The following NGRN variants were observed in gnomAD, a reference collection of about 807,000 sequenced individuals.
NGRN encodes neugrin.
Under a neutral mutation model 13.1 loss-of-function variants are expected in NGRN, and 12 were observed. The ratio of observed to expected loss-of-function variants is 0.92; its 90% CI spans 0.59 to 1.49. The LOEUF is 1.49. Ranked by LOEUF, NGRN falls within the 40% of genes most tolerant of loss-of-function variation. The probability of loss-of-function intolerance (pLI) is 0.00; values close to 1 mark genes in which losing one functional copy is unlikely to be tolerated. For synonymous variants in NGRN, 149 were observed against 145.8 expected (o/e 1.02, Z -0.16); for missense variants, 397 against 357.0 (o/e 1.11, Z -0.90).
intron 2 of NGRN, among the ~76,000 whole-genome samples, chr15:90,268,293 A>G (rs1963457313): frequency 6.6e-6 from 1 of 151,906 alleles, no homozygotes; most frequent in Non-Finnish European, 1.5e-5. Context: ...ATGAGCCACC[A>G]TGCCGGCCTC....
chr15:90,265,796 G>T lies in NGRN; in HGVS notation c.84G>T (p.Ala28=), dbSNP rs766719853. The part of the protein sequence containing the change: ...TRCGFATRGV[A]GPGPIGREPD... ...GTGGGTTCGCGACCCGGGGGGTGGCGGGCCCAGGCCCTATTGGCCGGGAGC... is the reference window on the plus strand; with the variant it reads ...GTGGGTTCGCGACCCGGGGGGTGGCTGGCCCAGGCCCTATTGGCCGGGAGC... The change falls in exon 1 of 3, where the codon GCG becomes GCT. Residue 28 remains alanine (A), a synonymous_variant. Coordinates refer to ENST00000379095, the MANE Select transcript of NGRN (RefSeq NM_001033088.3). 1.2e-5 allele frequency: 19 copies of T among 1,612,292 alleles called. No homozygotes were observed. Among genetic ancestry groups the T allele is most frequent in the Admixed American group, 3.3e-5 (2 of 59,922 alleles).
chr15:90,268,857 T>C (rs1963464569), intron 2 of NGRN, among the ~76,000 whole-genome samples: 1 of 151,142 alleles, frequency 6.6e-6, no homozygotes, highest in Admixed American at 6.6e-5. Context: ...CTCCAGTTTC[T>C]GAGCTCAAGC....
intron 2 of NGRN, among the ~76,000 whole-genome samples, chr15:90,268,612 T>C (rs1045809260): frequency 2.0e-5 from 3 of 152,114 alleles, no homozygotes; most frequent in Non-Finnish European, 4.4e-5. Flanking sequence ...CATTCTTTTG[T>C]TCCCAGCTGG....
At chr15:90,268,532 T>C (rs1963460801) in intron 2 of NGRN, among the ~76,000 whole-genome samples, 2 of 152,280 alleles carry the variant, frequency 1.3e-5, no homozygotes, top group East Asian at 3.9e-4. Flanking sequence ...ATTCTCTGTA[T>C]GCTTTAGGTC....
In NGRN at chr15:90,268,941, C is replaced by T. The variant is rs1291496416; in HGVS notation, c.276-2247C>T. 1.6e-3 allele frequency among the ~76,000 whole-genome samples: 16 copies of T among 9,816 alleles called. 1 individual carries two copies. Among genetic ancestry groups the T allele is most frequent in the African/African-American group, 4.4e-3 (16 of 3,596 alleles). 6.4% of individuals were successfully genotyped at this position (9,816 alleles called of 152,430 possible). On this transcript the variant is annotated intron_variant, in intron 2 of 2. Coordinates refer to ENST00000379095, the MANE Select transcript of NGRN (RefSeq NM_001033088.3). ...TACTGCACCCAGCTGAAACTGCTTT[C>T]TCCCACCCCCCCCCCCCCATTATTT...
intron 2 of NGRN, among the ~76,000 whole-genome samples, chr15:90,266,671 C>T (rs1025469723): frequency 3.2e-4 from 49 of 152,290 alleles, no homozygotes; most frequent in African/African-American, 1.2e-3. Flanking sequence ...GCCTCGGCCT[C>T]TCAGAGTGCT....
At chr15:90,266,444 A>G (rs1385220609) in intron 2 of NGRN, 46 bp downstream of exon 2, 1 of 1,489,700 alleles carries the variant, frequency 6.7e-7, no homozygotes, top group Non-Finnish European at 9.2e-7. Context: ...ATGAGAAGTG[A>G]AGGATGCTGG....
intron 2 of NGRN, among the ~76,000 whole-genome samples, chr15:90,270,381 A>G (rs1319512400): frequency 6.6e-6 from 1 of 152,196 alleles, no homozygotes; most frequent in Non-Finnish European, 1.5e-5. Context: ...CTTTATCATC[A>G]GTATCTTTCA....
intron 2 of NGRN, among the ~76,000 whole-genome samples, chr15:90,267,139 C>T (rs954534230): frequency 6.6e-6 from 1 of 151,820 alleles, no homozygotes; most frequent in Non-Finnish European, 1.5e-5. Context: ...CCAAGCCATC[C>T]TCCCACTTCG....
At chr15:90,269,782 G>A (rs752393332) in intron 2 of NGRN, among the ~76,000 whole-genome samples, 9 of 152,014 alleles carry the variant, frequency 5.9e-5, no homozygotes, top group East Asian at 1.9e-4. Context: ...AGAATTCATC[G>A]TTGTTCCCTG....
chr15:90,269,675 GT>G (rs912442922), intron 2 of NGRN, among the ~76,000 whole-genome samples: 5 of 151,970 alleles, frequency 3.3e-5, no homozygotes, highest in African/African-American at 1.2e-4. Flanking sequence ...TCCAGTTCAT[GT>G]TTTTTTTCCT....
At chr15:90,265,960 T>A in intron 1 of NGRN, 84 bp downstream of exon 1, 3 of 1,428,252 alleles carry the variant, frequency 2.1e-6, no homozygotes, top group Non-Finnish European at 2.7e-6. Context: ...GCGCCGGGTG[T>A]CCTGCCGCTG....
Position 90,271,676 on chromosome 15 carries a change from G to C in NGRN, c.764G>C (p.Gly255Ala), listed in dbSNP as rs576726062. The change falls in exon 3 of 3, where the codon GGT becomes GCT. Residue 255 changes from glycine (G) to alanine (A), a missense_variant. Physicochemically the swap from Gly to Ala is moderately conservative, Grantham distance 60 (BLOSUM62 0). Transcript: ENST00000379095. ...RGTGSGALPSGQKLEELKAEE... is the reference protein window; with the variant it reads ...RGTGSGALPSAQKLEELKAEE... ...ACTGGCAGTGGTGCGTTGCCAAGTG[G>C]TCAGAAGCTGGAGGAGTTGAAGGCA... 30 of 1,614,086 alleles carry C rather than the reference G, an allele frequency of 1.9e-5. No homozygotes were observed. Among genetic ancestry groups the C allele is most frequent in the Non-Finnish European group, 2.5e-5 (29 of 1,180,048 alleles).
At chr15:90,266,043 C>G (rs570602846) in intron 1 of NGRN, 167 bp downstream of exon 1, 1 of 1,422,288 alleles carries the variant, frequency 7.0e-7, no homozygotes, top group South Asian at 1.6e-5. Context: ...TCCCCTGGGA[C>G]CACTGGTCCC....
chr15:90,266,189 A>G (rs1963416299), intron 1 of NGRN, 99 bp from the exon 2 acceptor site: 1 of 1,491,112 alleles, frequency 6.7e-7, no homozygotes, highest in Non-Finnish European at 8.9e-7. Flanking sequence ...CTTGCGATCA[A>G]AGAGAAGAGG....
Position 90,265,673 on chromosome 15 carries a change from C to T in NGRN, c.-40C>T, listed in dbSNP as rs1306419174. Reference sequence around the variant, plus strand: ...CGGTCTTACCCGGCTACTTCCGCTGCTGTTTCGTAGCCGACTGCTGAAGGC... The same window carrying T: ...CGGTCTTACCCGGCTACTTCCGCTGTTGTTTCGTAGCCGACTGCTGAAGGC... On this transcript the variant is annotated 5_prime_UTR_variant, in exon 1 of 3. Coordinates refer to ENST00000379095, the MANE Select transcript of NGRN (RefSeq NM_001033088.3). The T allele has an allele frequency of 2.5e-6, 4 of 1,608,712 alleles. No individual in the cohort carries two copies. The highest frequency in any genetic ancestry group is 3.3e-5 in the Admixed American group (2 of 59,992).
chr15:90,271,365 G>A lies in NGRN; in HGVS notation c.453G>A (p.Gln151=), dbSNP rs747175405. The A allele has an allele frequency of 7.6e-5, 123 of 1,613,936 alleles. No individual in the cohort carries two copies. The highest frequency in any genetic ancestry group is 1.0e-4 in the Non-Finnish European group (121 of 1,180,036). ...LKKAGLAHSL[Q]HLRGSGNTSK... ...AAGCTGGGCTTGCCCACTCGCTGCA[G>A]CACCTCCGGGGCTCTGGAAATACCT... The change falls in exon 3 of 3, where the codon CAG becomes CAA. Residue 151 remains glutamine (Q), a synonymous_variant. Transcript: ENST00000379095.
intron 1 of NGRN, 101 bp downstream of exon 1, chr15:90,265,977 C>G: frequency 7.0e-7 from 1 of 1,422,832 alleles, no homozygotes. Context: ...GCTGCTTGCG[C>G]AGCGGCCCTT....
chr15:90,265,914 G>T, intron 1 of NGRN, 38 bp downstream of exon 1: 1 of 1,457,994 alleles, frequency 6.9e-7, no homozygotes, highest in Non-Finnish European at 9.0e-7. Context: ...TTGAAGCAGG[G>T]CCTCGTGCCC....
Sources: gnomAD v4.1 joint callset for allele counts (sites outside exome capture counted in the v4.1 genomes callset) on GRCh38, gnomAD v4.1.1 for gene constraint, MANE v1.5 for transcripts, NCBI Gene and HGNC (gene_info 2026-07-23, HGNC 2026-07-21) for gene names.